CTDP1: variants seen among roughly 807,000 people sequenced by gnomAD.
The protein encoded by CTDP1 is RNA polymerase II subunit A C-terminal domain phosphatase.
In CTDP1, 47 loss-of-function variants were observed where a neutral mutation model predicts 91.8. The observed-to-expected ratio is 0.51, with a 90% CI of 0.41 to 0.65. The LOEUF (loss-of-function observed/expected upper bound fraction) is 0.65, where lower values mean the gene tolerates loss of function less well. Ranked by LOEUF, CTDP1 falls within the 30% of genes least tolerant of loss-of-function variation. The probability of loss-of-function intolerance (pLI) is 0.00; values close to 1 mark genes in which losing one functional copy is unlikely to be tolerated. For missense variants in CTDP1, 1,272 were observed against 1,373.7 expected (o/e 0.93, Z 1.17); for synonymous variants, 656 against 598.5 (o/e 1.10, Z -1.40).
At chr18:79,703,791 G>T (rs1407069143) in intron 4 of CTDP1, 1 of 152,184 alleles carries the variant, frequency 6.6e-6, no homozygotes, top group Non-Finnish European at 1.5e-5. Context: ...TTGCAGGTAG[G>T]TAGTTACCAG....
chr18:79,678,947 G>A (rs974859632), upstream of CTDP1: 1 of 186,198 alleles, frequency 5.4e-6, no homozygotes, highest in South Asian at 8.2e-5. Flanking sequence ...CCGAAGTGCT[G>A]AGCCTCCCAA....
At chr18:79,684,242 G>A (rs1383614967) in intron 1 of CTDP1, among the ~76,000 whole-genome samples, 1 of 152,236 alleles carries the variant, frequency 6.6e-6, no homozygotes, top group Non-Finnish European at 1.5e-5. Context: ...TGCTCACAGT[G>A]CCGAGGAGCA....
At chr18:79,707,988 A>G (rs2086002366) in intron 5 of CTDP1, among the ~76,000 whole-genome samples, 2 of 152,254 alleles carry the variant, frequency 1.3e-5, no homozygotes, top group Non-Finnish European at 2.9e-5. Context: ...CTTTAGATCT[A>G]GCGACTTCAT....
intron 12 of CTDP1, among the ~76,000 whole-genome samples, chr18:79,738,596 G>C (rs1188760585): frequency 6.6e-6 from 1 of 152,224 alleles, no homozygotes; most frequent in Non-Finnish European, 1.5e-5. Context: ...CTTACTCTTA[G>C]GCTCTCCTGT....
chr18:79,714,842 G>T lies in CTDP1; in HGVS notation c.1382G>T (p.Ser461Ile). The part of the protein sequence containing the change: ...DFDLSSDSES[S>I]SESEGTKSSS... ...GACTTATCCAGCGACAGCGAGAGCA[G>T]CAGTGAGTCCGAGGGCACGAAGTCC... Residue 461 changes from serine (S) to isoleucine (I), a missense_variant, in exon 8 of 13, where the codon AGC becomes ATC. Coordinates refer to ENST00000613122, the MANE Select transcript of CTDP1 (RefSeq NM_004715.5). 6.3e-7 allele frequency: 1 copy of T among 1,596,248 alleles called. No individual in the cohort carries two copies. The highest frequency in any genetic ancestry group is 2.3e-5 in the East Asian group (1 of 44,322).
intron 4 of CTDP1, among the ~76,000 whole-genome samples, chr18:79,700,356 A>G (rs116822153): frequency 0.014 from 2,201 of 152,342 alleles, 66 homozygotes; most frequent in African/African-American, 0.051. Context: ...AAGTTCTTGA[A>G]GCAAACTAAA....
At chr18:79,747,726 G>A (rs963406016) in intron 12 of CTDP1, among the ~76,000 whole-genome samples, 10 of 152,342 alleles carry the variant, frequency 6.6e-5, no homozygotes, top group South Asian at 2.1e-4. Context: ...ACCTGGCCAC[G>A]CCGGCACGGG....
intron 12 of CTDP1, among the ~76,000 whole-genome samples, chr18:79,741,967 A>G (rs2086786622): frequency 1.3e-5 from 2 of 152,226 alleles, no homozygotes; most frequent in Non-Finnish European, 2.9e-5. Flanking sequence ...CCAGAAGCAC[A>G]ACAAACTCCA....
intron 12 of CTDP1, among the ~76,000 whole-genome samples, chr18:79,737,181 C>T (rs2086687699): frequency 6.6e-6 from 1 of 152,240 alleles, no homozygotes; most frequent in Non-Finnish European, 1.5e-5. Context: ...ACTCTAAACG[C>T]TGCTCACCTG....
chr18:79,736,038 T>C (rs959400078), intron 11 of CTDP1: 10 of 364,902 alleles, frequency 2.7e-5, no homozygotes, highest in Non-Finnish European at 5.1e-5. Flanking sequence ...CAAGCAAATA[T>C]TCTGATTATT....
At position 79,753,691 on chromosome 18, in the gene CTDP1, CGAGTCCAGCAGG is replaced by C. The variant is rs759419329; in HGVS notation, c.2798_2809del (p.Arg933_Ser936del). 8.1e-6 allele frequency: 13 copies of C among 1,614,118 alleles called. No individual in the cohort carries two copies. Among genetic ancestry groups the C allele is most frequent in the Non-Finnish European group, 1.1e-5 (13 of 1,179,988 alleles). On this transcript the variant is annotated inframe_deletion, in exon 13 of 13. Coordinates refer to ENST00000613122, the MANE Select transcript of CTDP1 (RefSeq NM_004715.5). Reference sequence around the variant, plus strand: ...AGCTGAATGAAGAGGACGCCGCCAGCGAGTCCAGCAGGGAGTCCAGCAACGAGGATGAGGGCA... The same window carrying C: ...AGCTGAATGAAGAGGACGCCGCCAGCGAGTCCAGCAACGAGGATGAGGGCA...
intron 10 of CTDP1, 131 bp from the exon 11 acceptor site, chr18:79,728,776 G>A (rs975910080): frequency 2.0e-5 from 14 of 696,630 alleles, no homozygotes; most frequent in Admixed American, 1.1e-4. Context: ...GAAACATCAC[G>A]TTTTTCATAC....
chr18:79,716,806 A>G (rs1237935339), intron 8 of CTDP1, among the ~76,000 whole-genome samples: 2 of 152,170 alleles, frequency 1.3e-5, no homozygotes, highest in Non-Finnish European at 2.9e-5. Flanking sequence ...ACGTGGCCTC[A>G]CTGTTGAGAG....
chr18:79,750,668 C>CTTTTTT (rs749153854), intron 12 of CTDP1, among the ~76,000 whole-genome samples: 1 of 94,230 alleles, frequency 1.1e-5, no homozygotes, highest in Non-Finnish European at 2.1e-5. Flanking sequence ...TAATTTTTTG[C>CTTTTTT]TTTTTTTTTT....
At chr18:79,679,800 A>G (rs973792635), upstream of CTDP1, 24 of 722,600 alleles carry the variant, frequency 3.3e-5, no homozygotes, top group Admixed American at 6.4e-5. Context: ...CGCGCCCTCC[A>G]GGAAGTCGGC....
At chr18:79,735,514 G>A (rs539769753) in intron 11 of CTDP1, 4 of 152,542 alleles carry the variant, frequency 2.6e-5, no homozygotes, top group Non-Finnish European at 4.4e-5. Context: ...CCCTCCGCTA[G>A]TCATCGGCCG....
rs1391392215 is a variant in CTDP1, at chr18:79,696,082, A to G, written c.492+12A>G. 1 of 1,609,124 alleles carries G rather than the reference A, an allele frequency of 6.2e-7. No homozygotes were observed. The highest frequency in any genetic ancestry group is 8.5e-7 in the Non-Finnish European group (1 of 1,179,468). Reference sequence around the variant, plus strand: ...TGGTGAGCTCCGAGGTGAGCCGGGCATCAGTGGCGGCGTGTTGGGGAAGCG... The same window carrying G: ...TGGTGAGCTCCGAGGTGAGCCGGGCGTCAGTGGCGGCGTGTTGGGGAAGCG... On this transcript the variant is annotated intron_variant, in intron 3 of 12. Coordinates refer to ENST00000613122, the MANE Select transcript of CTDP1 (RefSeq NM_004715.5).
chr18:79,680,564 A>G (rs1023185630), intron 1 of CTDP1, among the ~76,000 whole-genome samples: 2 of 152,352 alleles, frequency 1.3e-5, no homozygotes, highest in African/African-American at 4.8e-5. Flanking sequence ...CTTTAGCTCC[A>G]CCTTTGTGAC....
At chr18:79,742,371 G>C (rs772790909) in intron 12 of CTDP1, among the ~76,000 whole-genome samples, 1 of 152,110 alleles carries the variant, frequency 6.6e-6, no homozygotes, top group African/African-American at 2.4e-5. Context: ...CACCACAGCC[G>C]CTTCTCCTCA....
Sources: gnomAD v4.1 joint callset for allele counts (sites outside exome capture counted in the v4.1 genomes callset) on GRCh38, gnomAD v4.1.1 for gene constraint, MANE v1.5 for transcripts, NCBI Gene and HGNC (gene_info 2026-07-23, HGNC 2026-07-21) for gene names.